CCDC47: variants seen among roughly 807,000 people sequenced by gnomAD.
CCDC47 encodes the protein PAT complex subunit CCDC47.
In CCDC47, 41 loss-of-function variants were observed where a neutral mutation model predicts 60.5. The observed-to-expected ratio is 0.68, with a 90% CI of 0.53 to 0.88. The LOEUF is 0.88. CCDC47 is among the 40% of genes least tolerant of loss of function. CCDC47 has a pLI of 0.00. For synonymous variants in CCDC47, 195 were observed against 190.7 expected, an observed-to-expected ratio of 1.02 and a Z score of -0.18; for missense variants, 513 against 580.9, an observed-to-expected ratio of 0.88 and a Z score of 1.20.
intron 12 of CCDC47, among the ~76,000 whole-genome samples, chr17:63,749,661 A>G (rs894806514): frequency 6.6e-6 from 1 of 152,030 alleles, no homozygotes; most frequent in Non-Finnish European, 1.5e-5. Context: ...AGGCAGAAGA[A>G]TCGCTTGAAC....
In CCDC47 at chr17:63,746,849, G is replaced by A. The variant is rs754204198; in HGVS notation, c.*32C>T. The A allele has an allele frequency of 5.4e-6, 8 of 1,474,188 alleles. No homozygotes were observed. In the East Asian group the frequency reaches 1.8e-4, roughly 33 times the overall value. The allele number at this position is 1,474,188 out of a possible 1,614,324, so 91.3% of individuals were successfully genotyped here. ...TTTCCTGTGAATTCAGAGCTTACAG[G>A]TGGCATCAGAACTCAAATCTCTGGG... is the stretch of plus-strand genomic sequence containing the variant. On this transcript the variant is annotated 3_prime_UTR_variant, in exon 13 of 13. Coordinates refer to ENST00000225726, the MANE Select transcript of CCDC47 (RefSeq NM_020198.3).
intron 12 of CCDC47, chr17:63,747,776 T>C (rs576650926): frequency 1.7e-5 from 17 of 985,396 alleles, no homozygotes; most frequent in Non-Finnish European, 1.8e-5. Context: ...GCATATATAG[T>C]TCTTCATAGT....
At chr17:63,769,305 A>T (rs2039319139) in intron 1 of CCDC47, among the ~76,000 whole-genome samples, 1 of 151,768 alleles carries the variant, frequency 6.6e-6, no homozygotes, top group African/African-American at 2.4e-5. Context: ...TCATTTTAGA[A>T]GCAAATGCAC....
rs946789992 is a variant in CCDC47 at position 63,765,906 on chromosome 17, C to A, written c.264+6G>T. 1.3e-6 allele frequency: 2 copies of A among 1,597,872 alleles called. No homozygotes were observed. Among genetic ancestry groups the A allele is most frequent in the African/African-American group, 2.7e-5 (2 of 73,958 alleles). On this transcript the variant is annotated splice_donor_region_variant and intron_variant, in intron 2 of 12. Transcript: ENST00000225726. Reference sequence around the variant, plus strand: ...TTTTCCAATAAATTAATAAAAAGAGCCTCACCTGGGTATCTGCATCTTCAA... The same window carrying A: ...TTTTCCAATAAATTAATAAAAAGAGACTCACCTGGGTATCTGCATCTTCAA...
chr17:63,770,514 T>C (rs1396883031), intron 1 of CCDC47, among the ~76,000 whole-genome samples: 3 of 152,128 alleles, frequency 2.0e-5, no homozygotes, highest in African/African-American at 7.2e-5. Context: ...ATGCAAGCAA[T>C]TGAGTATTAA....
At chr17:63,770,310 A>G (rs753076886) in intron 1 of CCDC47, among the ~76,000 whole-genome samples, 1 of 151,844 alleles carries the variant, frequency 6.6e-6, no homozygotes, top group Non-Finnish European at 1.5e-5. Flanking sequence ...TTGTCACTAG[A>G]GAAGAGGCAT....
chr17:63,761,886 C>T, intron 4 of CCDC47: 3 of 793,740 alleles, frequency 3.8e-6, no homozygotes, highest in Non-Finnish European at 4.6e-6. Flanking sequence ...GGATTCTAAG[C>T]ACATGCTTGT....
intron 12 of CCDC47, among the ~76,000 whole-genome samples, chr17:63,748,897 C>T (rs1434000141): frequency 6.6e-6 from 1 of 151,656 alleles, no homozygotes; most frequent in African/African-American, 2.4e-5. Context: ...ACCTGTAATC[C>T]CAGCTACTTG....
intron 6 of CCDC47, among the ~76,000 whole-genome samples, chr17:63,759,749 G>C (rs2144486699): frequency 6.7e-6 from 1 of 150,368 alleles, no homozygotes; most frequent in African/African-American, 2.4e-5. Context: ...TGTAGCAGTG[G>C]GAGCCAGCAT....
In CCDC47 at chr17:63,764,101, G is replaced by T; in HGVS notation, c.462C>A (p.Ile154=). Residue 154 remains isoleucine (I), a synonymous_variant, in exon 4 of 13, where the codon ATC becomes ATA. Transcript: ENST00000225726. ...GGCGACTGTTTTTATTCTTCCCAAT[G>T]ATGTAATTCATGATATAAGCAAGCA... ...TGLLAYIMNY[I]IGKNKNSRLA... is the part of the protein sequence containing the mutation. The T allele has an allele frequency of 6.2e-7, 1 of 1,612,990 alleles. No homozygotes were observed. Among genetic ancestry groups the T allele is most frequent in the Non-Finnish European group, 8.5e-7 (1 of 1,179,716 alleles).
chr17:63,754,574 T>C, intron 8 of CCDC47, 56 bp from the exon 9 acceptor site: 1 of 1,150,826 alleles, frequency 8.7e-7, no homozygotes, highest in Non-Finnish European at 1.3e-6. Context: ...TTTCCCTTTT[T>C]TTCCTAAAGA....
rs36034985 is a variant in CCDC47, at chr17:63,766,058, C to T, written c.118G>A (p.Ala40Thr). ...DIVEYDDNDF[A>T]EFEDVMEDSV... is the part of the protein sequence containing the mutation. ...TCTTCCATGACATCCTCAAATTCAG[C>T]GAAGTCATTATCATCATACTCTACT... is the stretch of plus-strand genomic sequence containing the variant. Residue 40 changes from alanine to threonine, a missense_variant, in exon 2 of 13, where the codon GCT (alanine) becomes ACT (threonine). Physicochemically the swap from Ala to Thr is moderately conservative, Grantham distance 58 (BLOSUM62 0). Transcript: ENST00000225726. The T allele has an allele frequency of 2.8e-3, 4,500 of 1,614,034 alleles. 10 individuals carry two copies. The highest frequency in any genetic ancestry group is 3.5e-3 in the Non-Finnish European group (4,186 of 1,179,982).
At chr17:63,766,809 A>T (rs1039857334) in intron 1 of CCDC47, 27 of 976,362 alleles carry the variant, frequency 2.8e-5, no homozygotes, top group Non-Finnish European at 3.2e-5. Context: ...TTGAGGGCCT[A>T]TTAAAAAGCT....
chr17:63,752,546 G>T, intron 10 of CCDC47, 117 bp from the exon 11 acceptor site: 2 of 772,288 alleles, frequency 2.6e-6, no homozygotes, highest in South Asian at 2.4e-5. Context: ...TTGTTAGGCA[G>T]TTAAAATGCA....
intron 4 of CCDC47, 166 bp from the exon 5 acceptor site, chr17:63,761,517 T>TA (rs11429720): frequency 0.3 from 58,181 of 191,884 alleles, 8,105 homozygotes; most frequent in African/African-American, 0.55. Context: ...CTGTCCCTAC[T>TA]AAAAAAAAAA....
Position 63,761,318 on chromosome 17 carries a change from G to T in CCDC47, c.581C>A (p.Thr194Lys), listed in dbSNP as rs774830716. 6.2e-7 allele frequency: 1 copy of T among 1,613,990 alleles called. No individual in the cohort carries two copies. Among genetic ancestry groups the T allele is most frequent in the Non-Finnish European group, 8.5e-7 (1 of 1,179,984 alleles). Residue 194 changes from threonine to lysine, a missense_variant, in exon 5 of 13, where the codon ACA becomes AAA. Coordinates refer to ENST00000225726, the MANE Select transcript of CCDC47 (RefSeq NM_020198.3). ...CTCATTCTCCTGGTTCAACTTTCCT[G>T]TGCTTGTGGCTTCTTTGTTAGTTCC... ...DDGTNKEATSTGKLNQENEHI... is the reference protein window; with the variant it reads ...DDGTNKEATSKGKLNQENEHI...
At position 63,751,435 on chromosome 17, in the gene CCDC47, G is replaced by A. The variant is rs79960049; in HGVS notation, c.1371+505C>T. Among the ~76,000 whole-genome samples, 32 of 102,868 alleles carry A rather than the reference G, an allele frequency of 3.1e-4. No individual in the cohort carries two copies. The Admixed American group carries it at 3.2e-3, about 10-fold the overall frequency. The allele number at this position is 102,868 out of a possible 152,430, so 67.5% of individuals were successfully genotyped here. ...AGCTGGACTATGGCATCTTATTTCA[G>A]AAACACATCAGATCATACCGAGCTT... On this transcript the variant is annotated intron_variant, in intron 12 of 12. Coordinates refer to ENST00000225726, the MANE Select transcript of CCDC47 (RefSeq NM_020198.3).
rs60378449 is a variant in CCDC47, at chr17:63,769,613, C to CAAA, written c.-19-3422_-19-3420dup. Among the ~76,000 whole-genome samples the CAAA allele has an allele frequency of 2.6e-3, 254 of 99,000 alleles. 4 individuals are homozygous for CAAA. Among genetic ancestry groups the CAAA allele is most frequent in the East Asian group, 4.3e-3 (16 of 3,762 alleles). The allele number at this position is 99,000 out of a possible 152,430, so 64.9% of individuals were successfully genotyped here. On this transcript the variant is annotated intron_variant, in intron 1 of 12. Coordinates refer to ENST00000225726, the MANE Select transcript of CCDC47 (RefSeq NM_020198.3). Reference sequence around the variant, plus strand: ...GGGCAACAAGAGTGAAACTCCATCTCAAAAAAAAAAAAAAAGAAAAGAAAA... The same window carrying CAAA: ...GGGCAACAAGAGTGAAACTCCATCTCAAAAAAAAAAAAAAAAAAGAAAAGAAAA...
chr17:63,755,994 A>T (rs868821564), intron 8 of CCDC47, among the ~76,000 whole-genome samples: 33 of 152,224 alleles, frequency 2.2e-4, no homozygotes, highest in African/African-American at 7.0e-4. Context: ...TTTCAAAAAA[A>T]AACCTGAAAG....
Sources: gnomAD v4.1 joint callset for allele counts (sites outside exome capture counted in the v4.1 genomes callset) on GRCh38, gnomAD v4.1.1 for gene constraint, MANE v1.5 for transcripts, NCBI Gene and HGNC (gene_info 2026-07-23, HGNC 2026-07-21) for gene names.